CLIC4: variants seen among roughly 807,000 people sequenced by gnomAD.
CLIC4 encodes the protein CLIC family member 4.
Under a neutral mutation model 24.6 loss-of-function variants are expected in CLIC4, and 13 were observed. The observed-to-expected ratio is 0.53, with a 90% CI of 0.34 to 0.84. The LOEUF (loss-of-function observed/expected upper bound fraction) is 0.84, where lower values mean the gene tolerates loss of function less well. Ranked by LOEUF, CLIC4 falls within the 40% of genes least tolerant of loss-of-function variation. The pLI is 0.01. For synonymous variants in CLIC4, 104 were observed against 111.3 expected (o/e 0.93, Z 0.41); for missense variants, 227 against 301.7 (o/e 0.75, Z 1.83).
intron 3 of CLIC4, 117 bp downstream of exon 3, chr1:24,814,336 G>A: frequency 8.7e-7 from 1 of 1,144,706 alleles, no homozygotes; most frequent in Non-Finnish European, 1.2e-6. Context: ...TCTCTTCTAT[G>A]TTTCTTATAA....
At chr1:24,784,940 C>T (rs1319351147) in intron 1 of CLIC4, among the ~76,000 whole-genome samples, 1 of 148,178 alleles carries the variant, frequency 6.7e-6, no homozygotes, top group African/African-American at 2.5e-5. Context: ...GGAGGCGGAG[C>T]TTGCAGTGAG....
Position 24,823,721 on chromosome 1 carries a change from C to T in CLIC4, c.309-3289C>T, listed in dbSNP as rs536584540. Among the ~76,000 whole-genome samples the T allele has an allele frequency of 5.2e-3, 712 of 137,416 alleles. 1 individual carries two copies. The highest frequency in any genetic ancestry group is 8.4e-3 in the Non-Finnish European group (557 of 66,038). 90.2% of individuals were successfully genotyped at this position (137,416 alleles called of 152,430 possible). ...ACCGGAAGGCGGAGGTTGCAGTGAG[C>T]GGAGATTGCGCCACTGTACTCTAGC... On this transcript the variant is annotated intron_variant, in intron 3 of 5. Transcript: ENST00000374379.
intron 1 of CLIC4, among the ~76,000 whole-genome samples, chr1:24,768,915 A>AAAAAAG (rs1639040020): frequency 6.6e-6 from 1 of 151,282 alleles, no homozygotes; most frequent in Non-Finnish European, 1.5e-5. Context: ...AAAAAAAAAA[A>AAAAAAG]AAAAAGAAAA....
In CLIC4 at chr1:24,843,967, T is replaced by A. The variant is rs538756773; in HGVS notation, c.*3030T>A. 6 of 152,760 alleles carry A rather than the reference T, an allele frequency of 3.9e-5. No homozygotes were observed. The highest frequency in any genetic ancestry group is 6.5e-5 in the Admixed American group (1 of 15,292). 9.5% of individuals were successfully genotyped at this position (152,760 alleles called of 1,614,324 possible). A position where few individuals can be genotyped will look rare whatever the true frequency, so the allele number is the denominator to read the frequency against. On this transcript the variant is annotated 3_prime_UTR_variant, in exon 6 of 6. Transcript: ENST00000374379. ...CACCAATTTCTTGCATTAATTTGAATTTAAGCATTTAATTCAAAGAGAGGG... is the reference window on the plus strand; with the variant it reads ...CACCAATTTCTTGCATTAATTTGAAATTAAGCATTTAATTCAAAGAGAGGG...
chr1:24,749,695 C>T (rs914138193), intron 1 of CLIC4, among the ~76,000 whole-genome samples: 2 of 152,150 alleles, frequency 1.3e-5, no homozygotes, highest in South Asian at 2.1e-4. Context: ...TGGTGGCTCA[C>T]GCCTGTAATC....
Position 24,745,761 on chromosome 1 carries a change from C to G in CLIC4, c.72+136C>G. 3 of 611,304 alleles carry G rather than the reference C, an allele frequency of 4.9e-6. No homozygotes were observed. The South Asian group carries it at 1.1e-4, about 23-fold the overall frequency. The allele number at this position is 611,304 out of a possible 1,614,324, so 37.9% of individuals were successfully genotyped here. ...GTCCCGCTGCGGGCACCCGCGCCCCCGGCCCATTGTCTGGGGGCCGCCCGC... is the reference window on the plus strand; with the variant it reads ...GTCCCGCTGCGGGCACCCGCGCCCCGGGCCCATTGTCTGGGGGCCGCCCGC... On this transcript the variant is annotated intron_variant, in intron 1 of 5. Transcript: ENST00000374379.
chr1:24,762,299 A>G (rs1030775628), intron 1 of CLIC4, among the ~76,000 whole-genome samples: 1 of 152,140 alleles, frequency 6.6e-6, no homozygotes, highest in African/African-American at 2.4e-5. Flanking sequence ...TCACATGCCT[A>G]TAGTCCTAGC....
intron 1 of CLIC4, among the ~76,000 whole-genome samples, chr1:24,794,459 T>C (rs1639375619): frequency 1.3e-5 from 2 of 152,224 alleles, no homozygotes; most frequent in South Asian, 4.1e-4. Flanking sequence ...TGAACTTTTT[T>C]TCATATGCTT....
In CLIC4 at chr1:24,832,215, T is replaced by TCTCTTGTCACTTCTGTAGTTG. The variant is rs1327502062; in HGVS notation, c.415+5099_415+5100insCTCTTGTCACTTCTGTAGTTG. Among the ~76,000 whole-genome samples the TCTCTTGTCACTTCTGTAGTTG allele has an allele frequency of 1.2e-3, 5 of 4,296 alleles. 1 individual carries two copies. Among genetic ancestry groups the TCTCTTGTCACTTCTGTAGTTG allele is most frequent in the Non-Finnish European group, 0.029 (2 of 68 alleles). 2.8% of individuals were successfully genotyped at this position (4,296 alleles called of 152,430 possible). On this transcript the variant is annotated intron_variant, in intron 4 of 5. Transcript: ENST00000374379. ...TATGTTTTTGATTTTTTATTTTTTT[T>TCTCTTGTCACTTCTGTAGTTG]ATTTTTTATTTTTTTTTTCTTTTGA...
At chr1:24,754,914 A>G (rs937488714) in intron 1 of CLIC4, among the ~76,000 whole-genome samples, 98 of 152,048 alleles carry the variant, frequency 6.4e-4, no homozygotes, top group African/African-American at 2.2e-3. Flanking sequence ...TCTACTAAAA[A>G]TACAAAAATT....
intron 3 of CLIC4, among the ~76,000 whole-genome samples, chr1:24,825,386 A>G (rs1482574990): frequency 2.0e-5 from 3 of 152,110 alleles, no homozygotes; most frequent in Non-Finnish European, 4.4e-5. Flanking sequence ...GTCAAGGAAA[A>G]TCCAGGGATG....
At chr1:24,758,339 C>G (rs1236688354) in intron 1 of CLIC4, among the ~76,000 whole-genome samples, 1 of 150,932 alleles carries the variant, frequency 6.6e-6, no homozygotes, top group East Asian at 1.9e-4. Flanking sequence ...TTCTTTCTCC[C>G]TGGCTGGATG....
At chr1:24,772,508 C>T (rs751032124) in intron 1 of CLIC4, among the ~76,000 whole-genome samples, 16 of 152,094 alleles carry the variant, frequency 1.1e-4, no homozygotes, top group Non-Finnish European at 1.5e-4. Flanking sequence ...TAGAGAGAGA[C>T]GGAGTCTTGC....
intron 1 of CLIC4, among the ~76,000 whole-genome samples, chr1:24,787,569 C>T (rs1048850388): frequency 6.6e-6 from 1 of 152,006 alleles, no homozygotes; most frequent in African/African-American, 2.4e-5. Flanking sequence ...CGGAGTCTCA[C>T]TTTGTCACCC....
intron 5 of CLIC4, 26 bp downstream of exon 5, chr1:24,840,067 A>T: frequency 6.2e-7 from 1 of 1,602,476 alleles, no homozygotes; most frequent in East Asian, 2.2e-5. Context: ...TTGATGTCGC[A>T]TTGCCATTAC....
chr1:24,818,974 A>T (rs1174480497), intron 3 of CLIC4, among the ~76,000 whole-genome samples: 1 of 151,952 alleles, frequency 6.6e-6, no homozygotes, highest in African/African-American at 2.4e-5. Context: ...TTATATGTAT[A>T]TTTGGGGGAG....
chr1:24,774,495 A>G (rs764311879), intron 1 of CLIC4, among the ~76,000 whole-genome samples: 1 of 152,094 alleles, frequency 6.6e-6, no homozygotes, highest in Non-Finnish European at 1.5e-5. Flanking sequence ...TCTTTCAGCA[A>G]TTTAAAAAAT....
At chr1:24,782,017 T>C (rs1639211543) in intron 1 of CLIC4, among the ~76,000 whole-genome samples, 1 of 152,196 alleles carries the variant, frequency 6.6e-6, no homozygotes, top group South Asian at 2.1e-4. Flanking sequence ...AACTATTATG[T>C]TAGGTAATTG....
intron 4 of CLIC4, among the ~76,000 whole-genome samples, chr1:24,831,824 ATAC>A (rs1639843842): frequency 6.6e-6 from 1 of 152,128 alleles, no homozygotes; most frequent in Non-Finnish European, 1.5e-5. Flanking sequence ...TTTTTAGTAG[ATAC>A]GAGGTCTCAT....
Sources: gnomAD v4.1 joint callset for allele counts (sites outside exome capture counted in the v4.1 genomes callset) on GRCh38, gnomAD v4.1.1 for gene constraint, MANE v1.5 for transcripts, NCBI Gene and HGNC (gene_info 2026-07-23, HGNC 2026-07-21) for gene names.